Variants in IQSEC3 observed in about 807,000 individuals in gnomAD.
IQSEC3 encodes IQ motif and SEC7 domain-containing protein 3.
IQSEC3 carries 50 observed loss-of-function variants against 105.4 expected under a neutral mutation model. The observed-to-expected ratio is 0.47, with a 90% CI of 0.38 to 0.60. IQSEC3 has a LOEUF of 0.60. Ranked by LOEUF, IQSEC3 falls within the 20% of genes least tolerant of loss-of-function variation. IQSEC3 has a pLI of 0.00. For synonymous variants in IQSEC3, 708 were observed against 746.0 expected (o/e 0.95, Z 0.83); for missense variants, 1,415 against 1,630.0 (o/e 0.87, Z 2.27).
In IQSEC3 at chr12:171,715, C is replaced by T. The variant is rs114701695; in HGVS notation, c.3114+554C>T. Among the ~76,000 whole-genome samples the T allele has an allele frequency of 5.6e-3, 848 of 152,230 alleles. 8 individuals carry two copies. Among genetic ancestry groups the T allele is most frequent in the African/African-American group, 0.018 (731 of 41,536 alleles). On this transcript the variant is annotated intron_variant, in intron 13 of 13. Transcript: ENST00000538872. ...GCAGGTGGGAGGGGGAACTCCTCCCCGGAACAACTGGTCCATCTGGAAAGC... is the reference window on the plus strand; with the variant it reads ...GCAGGTGGGAGGGGGAACTCCTCCCTGGAACAACTGGTCCATCTGGAAAGC...
At chr12:127,192 T>C (rs562841848) in intron 3 of IQSEC3, among the ~76,000 whole-genome samples, 2 of 152,334 alleles carry the variant, frequency 1.3e-5, no homozygotes, top group Non-Finnish European at 2.9e-5. Context: ...AGAGAACAGC[T>C]GATACCTTGG....
chr12:171,540 C>T (rs1420931403), intron 13 of IQSEC3: 2 of 596,210 alleles, frequency 3.4e-6, no homozygotes, highest in Admixed American at 6.1e-5. Context: ...CAGAAGACCC[C>T]ACATCCCGTT....
At chr12:117,871 G>A (rs553570080) in intron 2 of IQSEC3, among the ~76,000 whole-genome samples, 4 of 152,326 alleles carry the variant, frequency 2.6e-5, no homozygotes, top group Admixed American at 6.5e-5. Flanking sequence ...TGGCCTGGAT[G>A]GTGGCAATCA....
At chr12:141,995 G>A (rs1046960102) in intron 5 of IQSEC3, 3 of 152,328 alleles carry the variant, frequency 2.0e-5, no homozygotes, top group Non-Finnish European at 4.4e-5. Flanking sequence ...AGGCTGAGGG[G>A]CCTTGCAGCT....
intron 1 of IQSEC3, among the ~76,000 whole-genome samples, chr12:71,969 T>C (rs1368332877): frequency 2.6e-5 from 4 of 152,288 alleles, no homozygotes; most frequent in Non-Finnish European, 5.9e-5. Flanking sequence ...TTGCTGCCCT[T>C]TGCCTTCCTG....
chr12:152,663 G>A lies in IQSEC3; in HGVS notation c.2154-4362G>A, dbSNP rs1339255060. On this transcript the variant is annotated intron_variant, in intron 5 of 13. Transcript: ENST00000538872. This position sits in a 1 kb window ranked among gnomAD's most constrained non-coding sequence, Gnocchi z 4.8. ...ATACTCAGTACAGAGAGCTCAGAGG[G>A]AACTCCCCCGACTTGAGTAAGGGAC... Among the ~76,000 whole-genome samples the A allele has an allele frequency of 6.6e-6, 1 of 152,132 alleles. No individual in the cohort carries two copies. The highest frequency in any genetic ancestry group is 1.5e-5 in the Non-Finnish European group (1 of 68,028).
intron 7 of IQSEC3, among the ~76,000 whole-genome samples, chr12:161,715 T>C (rs569466438): frequency 2.0e-5 from 3 of 152,238 alleles, no homozygotes; most frequent in Admixed American, 2.0e-4. Flanking sequence ...AGGAGATGTG[T>C]GTTGGGGCCA....
rs1044466647 is a variant in IQSEC3 at position 176,931 on chromosome 12, C to A, written c.*1898C>A. 1.3e-5 allele frequency: 2 copies of A among 152,302 alleles called. No homozygotes were observed. The highest frequency in any genetic ancestry group is 1.5e-5 in the Non-Finnish European group (1 of 68,114). The allele number at this position is 152,302 out of a possible 1,614,324, so 9.4% of individuals were successfully genotyped here. ...AAGTGAAGGCCTGGACAGGAGGAGT[C>A]AGGGACTTGGGAGGAGGTGGAGCTG... On this transcript the variant is annotated 3_prime_UTR_variant, in exon 14 of 14. Coordinates refer to ENST00000538872, the MANE Select transcript of IQSEC3 (RefSeq NM_001170738.2). This position sits in a 1 kb window ranked among gnomAD's most constrained non-coding sequence, Gnocchi z 4.0.
intron 2 of IQSEC3, among the ~76,000 whole-genome samples, chr12:119,092 C>T (rs1325491866): frequency 6.6e-6 from 1 of 152,180 alleles, no homozygotes; most frequent in Non-Finnish European, 1.5e-5. Flanking sequence ...GATGAGAAAA[C>T]CGTGGTCCAG....
intron 1 of IQSEC3, among the ~76,000 whole-genome samples, chr12:82,970 T>C (rs1863795179): frequency 6.6e-6 from 1 of 152,224 alleles, no homozygotes; most frequent in Non-Finnish European, 1.5e-5. Context: ...CACAAATGCT[T>C]GCAGTGAGGC....
rs564013252 is a variant in IQSEC3, at chr12:81,551, G to A, written c.554+14115G>A. ...GGGATGTGAGACAAAGAGGAGTTGA[G>A]GATGAGCTCAAGGTTTGGGGCCAAA... On this transcript the variant is annotated intron_variant, in intron 1 of 13. Coordinates refer to ENST00000538872, the MANE Select transcript of IQSEC3 (RefSeq NM_001170738.2). 8.3e-4 allele frequency among the ~76,000 whole-genome samples: 126 copies of A among 152,308 alleles called. No individual in the cohort carries two copies. In the South Asian group the frequency reaches 0.025, roughly 30 times the overall value.
chr12:125,674 C>T lies in IQSEC3; in HGVS notation c.665C>T (p.Ser222Phe), dbSNP rs1395584154. 1 of 1,540,740 alleles carries T rather than the reference C, an allele frequency of 6.5e-7. No homozygotes were observed. The highest frequency in any genetic ancestry group is 8.7e-7 in the Non-Finnish European group (1 of 1,155,006). Residue 222 changes from serine (S) to phenylalanine (F), a missense_variant, in exon 3 of 14, where the codon TCC becomes TTC. Physicochemically the swap from Ser to Phe is radical, Grantham distance 155 (BLOSUM62 -2). This residue lies in a region of IQSEC3 where 720 missense variants were observed against 633.0 expected (regional missense o/e 1.14). Transcript: ENST00000538872. ...CTQAGGGMED[S>F]VVAAAAVAAG... Reference sequence around the variant, plus strand: ...CAGGCCGGTGGGGGCATGGAGGACTCCGTGGTGGCAGCGGCGGCGGTGGCA... The same window carrying T: ...CAGGCCGGTGGGGGCATGGAGGACTTCGTGGTGGCAGCGGCGGCGGTGGCA...
At chr12:160,176 GTT>G (rs34294220) in intron 7 of IQSEC3, among the ~76,000 whole-genome samples, 16,803 of 148,550 alleles carry the variant, frequency 0.11, 1,275 homozygotes, top group South Asian at 0.21. Context: ...CCTTTTTTCT[GTT>G]TTTTTTTTCC....
chr12:98,586 T>C (rs555428775), intron 1 of IQSEC3, among the ~76,000 whole-genome samples: 2 of 152,306 alleles, frequency 1.3e-5, no homozygotes, highest in South Asian at 4.1e-4. Flanking sequence ...ATCCCTGCCT[T>C]CTGCGTTGGC....
chr12:104,702 G>C (rs1253002508), intron 2 of IQSEC3, among the ~76,000 whole-genome samples: 3 of 152,258 alleles, frequency 2.0e-5, no homozygotes, highest in African/African-American at 7.2e-5. Flanking sequence ...CTAGGCAGCA[G>C]CAAGGCAGGG....
chr12:136,999 T>C (rs1555086583), intron 3 of IQSEC3, among the ~76,000 whole-genome samples: 1 of 152,146 alleles, frequency 6.6e-6, no homozygotes, highest in African/African-American at 2.4e-5. Context: ...GAAGTTTTCC[T>C]GGGATCAGAT....
At chr12:157,199 C>A in intron 6 of IQSEC3, 52 bp downstream of exon 6, 2 of 1,474,418 alleles carry the variant, frequency 1.4e-6, no homozygotes, top group Non-Finnish European at 1.8e-6. Flanking sequence ...GTGGGGAAGC[C>A]GGGCCGCTGT....
intron 1 of IQSEC3, among the ~76,000 whole-genome samples, chr12:82,964 A>C (rs1555071035): frequency 1.3e-5 from 2 of 152,236 alleles, no homozygotes; most frequent in Non-Finnish European, 2.9e-5. Context: ...GACAGCCACA[A>C]ATGCTTGCAG....
intron 3 of IQSEC3, among the ~76,000 whole-genome samples, chr12:128,058 A>G (rs543291742): frequency 1.3e-5 from 2 of 152,094 alleles, no homozygotes; most frequent in African/African-American, 4.8e-5. Flanking sequence ...CTTGGCCTCA[A>G]TCTCTGAAGT....
Sources: allele counts gnomAD v4.1 joint callset (sites outside exome capture counted in the v4.1 genomes callset), GRCh38; gene constraint gnomAD v4.1.1; regional missense constraint gnomAD v4.1.1; non-coding constraint Gnocchi (gnomAD v3.1); transcripts MANE v1.5; gene names NCBI Gene and HGNC (gene_info 2026-07-23, HGNC 2026-07-21).